Variants in ECPAS observed in about 807,000 individuals in gnomAD.
The protein encoded by ECPAS is proteasome adapter and scaffold protein ECM29.
Under a neutral mutation model 255.1 loss-of-function variants are expected in ECPAS, and 70 were observed. That is an observed-to-expected ratio of 0.27 (90% CI 0.23 to 0.33). The LOEUF (loss-of-function observed/expected upper bound fraction) is 0.33, where lower values mean the gene tolerates loss of function less well. Ranked by LOEUF, ECPAS falls within the 10% of genes least tolerant of loss-of-function variation. ECPAS has a pLI of 1.00. For missense variants in ECPAS, 1,817 were observed against 2,206.4 expected (o/e 0.82, Z 3.54); for synonymous variants, 784 against 775.0 (o/e 1.01, Z -0.19).
chr9:111,362,862 G>A (rs1211624426), intron 49 of ECPAS, among the ~76,000 whole-genome samples: 1 of 152,154 alleles, frequency 6.6e-6, no homozygotes, highest in Non-Finnish European at 1.5e-5. Context: ...GGAAAAAAGG[G>A]ATTAGGAGAT....
At position 111,413,925 on chromosome 9, in the gene ECPAS, G is replaced by T. The variant is rs751348572; in HGVS notation, c.2049C>A (p.Thr683=). ...AVSVYPEKLA[T]KFVDKTEWIK... is the part of the protein sequence containing the mutation. ...TCCATTCTGTTTTGTCTACAAATTT[G>T]GTAGCCAGCTTTTCTGGATACACTG... The change falls in exon 20 of 50, where the codon ACC becomes ACA. Residue 683 remains threonine (T), a synonymous_variant. Coordinates refer to ENST00000684092, the MANE Select transcript of ECPAS (RefSeq NM_001364929.1). 1.3e-6 allele frequency: 2 copies of T among 1,585,718 alleles called. No homozygotes were observed. Among genetic ancestry groups the T allele is most frequent in the East Asian group, 2.3e-5 (1 of 44,084 alleles).
intron 3 of ECPAS, among the ~76,000 whole-genome samples, chr9:111,445,037 C>T (rs1331391300): frequency 4.2e-5 from 6 of 144,178 alleles, no homozygotes; most frequent in Non-Finnish European, 7.6e-5. Flanking sequence ...GCTCTGTTGC[C>T]CAGGCTAGAG....
At chr9:111,412,419 G>T (rs1216434642) in intron 20 of ECPAS, among the ~76,000 whole-genome samples, 2 of 152,106 alleles carry the variant, frequency 1.3e-5, no homozygotes, top group Non-Finnish European at 2.9e-5. Context: ...AAAACAAAAA[G>T]GCTTTATGGG....
chr9:111,420,154 G>A (rs369475798), intron 15 of ECPAS, 34 bp from the exon 16 acceptor site: 34 of 1,433,142 alleles, frequency 2.4e-5, no homozygotes, highest in East Asian at 1.2e-4. Flanking sequence ...AGACCACCCC[G>A]ATCCGAAAAA....
intron 41 of ECPAS, 46 bp from the exon 42 acceptor site, chr9:111,372,666 G>T: frequency 6.9e-7 from 1 of 1,445,368 alleles, no homozygotes. Context: ...TTGTTTTTAA[G>T]GGTAACTGAT....
At chr9:111,424,944 C>T (rs774843605) in intron 12 of ECPAS, among the ~76,000 whole-genome samples, 19 of 151,928 alleles carry the variant, frequency 1.3e-4, no homozygotes, top group Admixed American at 1.2e-3. Context: ...CCGAGGCAGG[C>T]GGATCACCTG....
chr9:111,377,466 G>A (rs777648205), intron 36 of ECPAS, among the ~76,000 whole-genome samples: 8 of 152,110 alleles, frequency 5.3e-5, no homozygotes, highest in African/African-American at 9.7e-5. Flanking sequence ...TTATTCAACA[G>A]TGCCAAAGGT....
chr9:111,442,480 T>G, intron 4 of ECPAS, 56 bp from the exon 5 acceptor site: 1 of 1,001,948 alleles, frequency 1.0e-6, no homozygotes, highest in South Asian at 1.4e-5. Context: ...ATGATTTCAA[T>G]GAAAATATAT....
At chr9:111,417,818 A>C in intron 17 of ECPAS, 65 bp downstream of exon 17, 1 of 1,402,848 alleles carries the variant, frequency 7.1e-7, no homozygotes, top group Non-Finnish European at 9.5e-7. Context: ...TTTTCACTTT[A>C]AAGATGTTTT....
At chr9:111,483,921 G>C in intron 1 of ECPAS, 195 bp downstream of exon 1, 1 of 719,934 alleles carries the variant, frequency 1.4e-6, no homozygotes, top group Non-Finnish European at 1.7e-6. Flanking sequence ...CCTCCCAGCG[G>C]CCCCCCCGCC....
At position 111,363,585 on chromosome 9, in the gene ECPAS, T is replaced by C. The variant is rs2098116660; in HGVS notation, c.5380+3A>G. 1 of 1,555,152 alleles carries C rather than the reference T, an allele frequency of 6.4e-7. No individual in the cohort carries two copies. The stretch of plus-strand genomic sequence containing the variant: ...CCCCCAGTCAGAACTAACAACAACT[T>C]ACCTTCAAGTTTTTTAAGCAGCAAT... On this transcript the variant is annotated splice_donor_region_variant and intron_variant, in intron 49 of 49. Transcript: ENST00000684092.
rs141344498 is a variant in ECPAS, at chr9:111,452,687, T to C, written c.23-1132A>G. The stretch of plus-strand genomic sequence containing the variant: ...GATTAGATAGACATAGATCACTCAA[T>C]AGATGGATCAATGACAGAGACGTAG... On this transcript the variant is annotated intron_variant, in intron 2 of 49. Coordinates refer to ENST00000684092, the MANE Select transcript of ECPAS (RefSeq NM_001364929.1). Among the ~76,000 whole-genome samples, 9 of 152,266 alleles carry C rather than the reference T, an allele frequency of 5.9e-5. No homozygotes were observed. In the East Asian group the frequency reaches 1.5e-3, roughly 26 times the overall value.
At chr9:111,398,041 G>A (rs1029676685) in intron 24 of ECPAS, among the ~76,000 whole-genome samples, 3 of 152,176 alleles carry the variant, frequency 2.0e-5, no homozygotes, top group Non-Finnish European at 4.4e-5. Flanking sequence ...TGAACCGGAA[G>A]AAATTTAGGA....
chr9:111,408,505 T>TA (rs79202070), intron 24 of ECPAS, 66 bp downstream of exon 24: 18,689 of 866,728 alleles, frequency 0.022, 16 homozygotes, highest in Non-Finnish European at 0.024. Flanking sequence ...AAACTGCACC[T>TA]AAAAAAAAAA....
rs752564363 is a variant in ECPAS at position 111,372,317 on chromosome 9, T to C, written c.4528+112A>G. On this transcript the variant is annotated intron_variant, in intron 42 of 49. Coordinates refer to ENST00000684092, the MANE Select transcript of ECPAS (RefSeq NM_001364929.1). Reference sequence around the variant, plus strand: ...TGGGTTTAAAACTAAATGGGATGCATATTAAGGTCCTGGGAAAGTAACTTC... The same window carrying C: ...TGGGTTTAAAACTAAATGGGATGCACATTAAGGTCCTGGGAAAGTAACTTC... The C allele has an allele frequency of 5.0e-6, 5 of 1,002,000 alleles. No homozygotes were observed. In the Admixed American group the frequency reaches 1.1e-4, roughly 21 times the overall value. The allele number at this position is 1,002,000 out of a possible 1,614,324, so 62.1% of individuals were successfully genotyped here.
intron 8 of ECPAS, 128 bp from the exon 9 acceptor site, chr9:111,430,756 T>C (rs2098228621): frequency 2.1e-5 from 14 of 681,408 alleles, no homozygotes; most frequent in Middle Eastern, 2.5e-4. Context: ...AAATGGGCAA[T>C]TGACATTGTA....
intron 3 of ECPAS, among the ~76,000 whole-genome samples, chr9:111,448,614 G>T (rs993445010): frequency 3.9e-5 from 6 of 152,206 alleles, no homozygotes; most frequent in African/African-American, 1.4e-4. Flanking sequence ...AATGCACAAT[G>T]TTACTAATGA....
At chr9:111,440,345 C>A in intron 6 of ECPAS, 27 bp downstream of exon 6, 1 of 1,576,666 alleles carries the variant, frequency 6.3e-7, no homozygotes, top group Non-Finnish European at 8.6e-7. Context: ...CAGTCAAGAA[C>A]AAGGTTGCTT....
intron 18 of ECPAS, 111 bp downstream of exon 18, chr9:111,416,161 C>T: frequency 3.0e-6 from 2 of 674,680 alleles, no homozygotes; most frequent in Middle Eastern, 2.6e-4. Context: ...ACAATGACAC[C>T]ACAATATGGG....
Sources: allele counts gnomAD v4.1 joint callset (sites outside exome capture counted in the v4.1 genomes callset), GRCh38; gene constraint gnomAD v4.1.1; transcripts MANE v1.5; gene names NCBI Gene and HGNC (gene_info 2026-07-23, HGNC 2026-07-21).